The following EXOC4 variants were observed in gnomAD, a reference collection of about 807,000 sequenced individuals.
The protein encoded by EXOC4 is SEC8-like 1.
EXOC4 carries 71 observed loss-of-function variants against 107.2 expected under a neutral mutation model. That is an observed-to-expected ratio of 0.66 (90% CI 0.55 to 0.81). EXOC4 has a LOEUF of 0.81. EXOC4 is among the 30% of genes least tolerant of loss of function. The pLI is 0.00. For missense variants in EXOC4, 1,108 were observed against 1,189.6 expected (o/e 0.93, Z 1.01); for synonymous variants, 456 against 441.2 (o/e 1.03, Z -0.42).
chr7:133,802,402 C>T (rs983833724), intron 10 of EXOC4, among the ~76,000 whole-genome samples: 1 of 152,168 alleles, frequency 6.6e-6, no homozygotes, highest in African/African-American at 2.4e-5. Context: ...GCATTCCTAG[C>T]TTCTAGGGCA....
intron 11 of EXOC4, among the ~76,000 whole-genome samples, chr7:133,880,058 T>C (rs1368566105): frequency 6.6e-6 from 1 of 152,188 alleles, no homozygotes; most frequent in East Asian, 1.9e-4. Context: ...CTTACACCTT[T>C]TCCCTTGCCT....
At chr7:133,297,228 C>A (rs774352868) in intron 3 of EXOC4, among the ~76,000 whole-genome samples, 1 of 152,076 alleles carries the variant, frequency 6.6e-6, no homozygotes, top group Non-Finnish European at 1.5e-5. Flanking sequence ...TTGGTCAAAT[C>A]GGTTTAGTAG....
chr7:133,837,354 C>A lies in EXOC4; in HGVS notation c.1734+19810C>A, dbSNP rs146608647. On this transcript the variant is annotated intron_variant, in intron 11 of 17. Coordinates refer to ENST00000253861, the MANE Select transcript of EXOC4 (RefSeq NM_021807.4). ...AGCAGAGGGTATTGGACCTCTTCTG[C>A]ATTTTCTCCTAGCTCTAACATTTGG... 2.4e-3 allele frequency among the ~76,000 whole-genome samples: 366 copies of A among 152,280 alleles called. 5 individuals are homozygous for A. Among genetic ancestry groups the A allele is most frequent in the African/African-American group, 8.2e-3 (342 of 41,560 alleles).
intron 9 of EXOC4, among the ~76,000 whole-genome samples, chr7:133,554,783 G>T (rs1179483209): frequency 6.6e-6 from 1 of 152,148 alleles, no homozygotes; most frequent in Non-Finnish European, 1.5e-5. Context: ...ATACATTTAT[G>T]TCTCCAACTA....
chr7:134,024,070 G>A (rs927034280), intron 17 of EXOC4, among the ~76,000 whole-genome samples: 2 of 152,180 alleles, frequency 1.3e-5, no homozygotes, highest in Non-Finnish European at 1.5e-5. Flanking sequence ...AGTCCACCAA[G>A]TACAAACCTC....
chr7:133,944,287 G>A (rs1332401160), intron 14 of EXOC4, among the ~76,000 whole-genome samples: 1 of 152,008 alleles, frequency 6.6e-6, no homozygotes. Flanking sequence ...TGTCTCCTTA[G>A]GCTCATTTAG....
intron 9 of EXOC4, among the ~76,000 whole-genome samples, chr7:133,606,517 ATTT>A (rs56086076): frequency 1.4e-4 from 19 of 136,916 alleles, no homozygotes; most frequent in South Asian, 6.8e-4. Flanking sequence ...TATTATTATT[ATTT>A]TTTTTTTTTT....
chr7:134,018,758 T>C (rs926504622), intron 17 of EXOC4, among the ~76,000 whole-genome samples: 1 of 152,184 alleles, frequency 6.6e-6, no homozygotes, highest in Non-Finnish European at 1.5e-5. Context: ...TATAAAGTTC[T>C]TGTGACTAGT....
intron 11 of EXOC4, among the ~76,000 whole-genome samples, chr7:133,865,843 A>T (rs1798627389): frequency 6.6e-6 from 1 of 152,180 alleles, no homozygotes; most frequent in Non-Finnish European, 1.5e-5. Flanking sequence ...CCTCTCACCA[A>T]GCCCCTCTTC....
At chr7:133,397,104 G>C (rs1796985132) in intron 7 of EXOC4, among the ~76,000 whole-genome samples, 1 of 137,988 alleles carries the variant, frequency 7.2e-6, no homozygotes, top group South Asian at 2.5e-4. Flanking sequence ...ATATCCTCTT[G>C]TTTGTTTTTG....
chr7:133,836,027 A>T (rs1429587299), intron 11 of EXOC4, among the ~76,000 whole-genome samples: 1 of 152,192 alleles, frequency 6.6e-6, no homozygotes, highest in Non-Finnish European at 1.5e-5. Context: ...TTCTATGCTT[A>T]TTTCAATTCT....
intron 10 of EXOC4, among the ~76,000 whole-genome samples, chr7:133,758,247 C>T (rs1346028014): frequency 2.6e-5 from 4 of 152,082 alleles, no homozygotes; most frequent in Non-Finnish European, 4.4e-5. Flanking sequence ...CGAGTTCAAG[C>T]GATTCTCCTG....
At chr7:133,982,001 G>A (rs1234895457) in intron 14 of EXOC4, among the ~76,000 whole-genome samples, 1 of 152,168 alleles carries the variant, frequency 6.6e-6, no homozygotes, top group African/African-American at 2.4e-5. Context: ...AGTAATGCAG[G>A]AACAGAAAAC....
chr7:133,325,817 G>T (rs1239088825), intron 5 of EXOC4, among the ~76,000 whole-genome samples: 1 of 152,134 alleles, frequency 6.6e-6, no homozygotes, highest in Non-Finnish European at 1.5e-5. Flanking sequence ...TTTCCAACTT[G>T]GTTCCATTCT....
intron 6 of EXOC4, among the ~76,000 whole-genome samples, chr7:133,364,659 G>A: frequency 6.6e-6 from 1 of 152,080 alleles, no homozygotes. Flanking sequence ...TGATTCTTAT[G>A]CACACTGAAG....
intron 10 of EXOC4, among the ~76,000 whole-genome samples, chr7:133,648,197 C>G (rs1404032739): frequency 6.6e-6 from 1 of 152,138 alleles, no homozygotes; most frequent in Non-Finnish European, 1.5e-5. Context: ...TTAGGGTTGC[C>G]TCTATTGCCA....
chr7:133,963,865 A>G (rs372579307), intron 14 of EXOC4, among the ~76,000 whole-genome samples: 12 of 152,166 alleles, frequency 7.9e-5, no homozygotes, highest in African/African-American at 2.4e-4. Context: ...TACATAAGAC[A>G]TGAGTTAAAT....
At chr7:133,724,631 A>T (rs763636713) in intron 10 of EXOC4, among the ~76,000 whole-genome samples, 3 of 152,218 alleles carry the variant, frequency 2.0e-5, no homozygotes, top group Non-Finnish European at 4.4e-5. Context: ...GAATCATAAG[A>T]TACAGATAAT....
intron 10 of EXOC4, among the ~76,000 whole-genome samples, chr7:133,676,573 G>A (rs1433248757): frequency 2.0e-5 from 3 of 152,248 alleles, no homozygotes; most frequent in Non-Finnish European, 2.9e-5. Context: ...GACAGTAATT[G>A]TGAGAGGATC....
Sources: gnomAD v4.1 joint callset for allele counts (sites outside exome capture counted in the v4.1 genomes callset) on GRCh38, gnomAD v4.1.1 for gene constraint, MANE v1.5 for transcripts, NCBI Gene and HGNC (gene_info 2026-07-23, HGNC 2026-07-21) for gene names.